Variants in NEK11 observed in about 807,000 individuals in gnomAD.
The protein encoded by NEK11 is NIMA related kinase 11.
NEK11 carries 72 observed loss-of-function variants against 80.7 expected under a neutral mutation model. The ratio of observed to expected loss-of-function variants is 0.89; its 90% CI spans 0.74 to 1.08. The LOEUF (loss-of-function observed/expected upper bound fraction) is 1.08, where lower values mean the gene tolerates loss of function less well. Among genes scored for constraint, NEK11 ranks in the 50% least tolerant of loss-of-function variants. The pLI is 0.00. For synonymous variants in NEK11, 251 were observed against 260.7 expected, an observed-to-expected ratio of 0.96 and a Z score of 0.36; for missense variants, 764 against 763.6, an observed-to-expected ratio of 1.00 and a Z score of -0.01.
At chr3:131,090,667 TA>T (rs2076593994) in intron 4 of NEK11, among the ~76,000 whole-genome samples, 2 of 152,228 alleles carry the variant, frequency 1.3e-5, no homozygotes, top group Non-Finnish European at 2.9e-5. Flanking sequence ...CTAAAAACTG[TA>T]TTTCTTTGTT....
At chr3:131,287,713 T>A (rs2096490406) in intron 17 of NEK11, among the ~76,000 whole-genome samples, 1 of 152,148 alleles carries the variant, frequency 6.6e-6, no homozygotes, top group Admixed American at 6.5e-5. Flanking sequence ...TTGCCACAAG[T>A]CCTTCAACCC....
intron 5 of NEK11, among the ~76,000 whole-genome samples, chr3:131,118,826 T>G (rs1414644348): frequency 6.6e-6 from 1 of 152,198 alleles, no homozygotes; most frequent in East Asian, 1.9e-4. Context: ...ATATCCCCTT[T>G]ATCATTTTTT....
At chr3:131,332,319 T>C (rs983368854) in intron 17 of NEK11, among the ~76,000 whole-genome samples, 15 of 152,234 alleles carry the variant, frequency 9.9e-5, no homozygotes, top group South Asian at 2.1e-4. Context: ...GAAAATCCGC[T>C]GTTCTGCAGC....
rs917992692 is a variant in NEK11 at position 131,087,296 on chromosome 3, A to G, written c.336+6708A>G. 4.2e-5 allele frequency among the ~76,000 whole-genome samples: 6 copies of G among 142,672 alleles called. 1 individual carries two copies. The South Asian group carries it at 1.1e-3, about 26-fold the overall frequency. 93.6% of individuals were successfully genotyped at this position (142,672 alleles called of 152,430 possible). On this transcript the variant is annotated intron_variant, in intron 4 of 17. Transcript: ENST00000383366. ...CACCTCATTGCCAGGCTGGAGTGCA[A>G]TGAATGGCACAATCTCAGCTCACTG...
chr3:131,099,777 A>G (rs2149253902), intron 4 of NEK11, among the ~76,000 whole-genome samples: 1 of 152,272 alleles, frequency 6.6e-6, no homozygotes, highest in African/African-American at 2.4e-5. Context: ...CCTGGACATT[A>G]TTGGCTTATA....
intron 17 of NEK11, chr3:131,328,295 T>TATAAATAAATAAATAAATAA (rs10525767): frequency 3.1e-4 from 47 of 151,322 alleles, no homozygotes; most frequent in African/African-American, 1.1e-3. Context: ...CTAAAAATAA[T>TATAAATAAATAAATAAATAA]ATAAATAAAT....
chr3:131,213,853 C>T (rs138203416), intron 14 of NEK11, among the ~76,000 whole-genome samples: 1 of 152,146 alleles, frequency 6.6e-6, no homozygotes, highest in Non-Finnish European at 1.5e-5. Flanking sequence ...CATATTGAAA[C>T]CCTAATCCCC....
intron 14 of NEK11, among the ~76,000 whole-genome samples, chr3:131,199,483 A>G (rs1303069543): frequency 1.3e-5 from 2 of 152,176 alleles, no homozygotes; most frequent in Non-Finnish European, 2.9e-5. Context: ...AAAATGCATA[A>G]TAGTTTTGAA....
intron 16 of NEK11, among the ~76,000 whole-genome samples, chr3:131,249,167 G>A (rs1477237261): frequency 6.6e-6 from 1 of 152,088 alleles, no homozygotes; most frequent in East Asian, 1.9e-4. Flanking sequence ...GCAGATGAGA[G>A]CTTTAGTGAA....
intron 3 of NEK11, among the ~76,000 whole-genome samples, chr3:131,041,283 TTTAACA>T (rs1443426758): frequency 6.6e-6 from 1 of 152,214 alleles, no homozygotes; most frequent in Non-Finnish European, 1.5e-5. Flanking sequence ...TGCAAGGCAG[TTTAACA>T]TTACTTAAAA....
chr3:131,153,575 G>A lies in NEK11; in HGVS notation c.876+866G>A, dbSNP rs565878727. ...GCAAGTTTCCTCTGTAATTTTATGC[G>A]TAACTTTAAGAGGAACCACAAAATG... is the stretch of plus-strand genomic sequence containing the variant. On this transcript the variant is annotated intron_variant, in intron 9 of 17. Transcript: ENST00000383366. Among the ~76,000 whole-genome samples the A allele has an allele frequency of 6.6e-5, 10 of 152,050 alleles. No individual in the cohort carries two copies. In the South Asian group the frequency reaches 1.0e-3, roughly 16 times the overall value.
At chr3:131,270,432 A>G (rs2096159839) in intron 16 of NEK11, among the ~76,000 whole-genome samples, 1 of 152,192 alleles carries the variant, frequency 6.6e-6, no homozygotes. Flanking sequence ...AGATCCCTGG[A>G]TGATTTGTAT....
At chr3:131,309,073 G>T (rs1019756561) in intron 17 of NEK11, among the ~76,000 whole-genome samples, 9 of 152,150 alleles carry the variant, frequency 5.9e-5, no homozygotes, top group African/African-American at 9.7e-5. Context: ...GTGTGGCCCG[G>T]TTCCTAACAG....
chr3:131,287,621 C>A (rs115419196), intron 17 of NEK11, among the ~76,000 whole-genome samples: 1 of 152,000 alleles, frequency 6.6e-6, no homozygotes, highest in Non-Finnish European at 1.5e-5. Context: ...TTTAAGGCCC[C>A]GGGGATATCT....
At chr3:131,345,688 C>A (rs1329031294) in intron 17 of NEK11, among the ~76,000 whole-genome samples, 1 of 152,088 alleles carries the variant, frequency 6.6e-6, no homozygotes, top group Non-Finnish European at 1.5e-5. Context: ...TGGGTATATA[C>A]CCAAAGGAGA....
At chr3:131,034,870 T>C (rs1331876815) in intron 3 of NEK11, among the ~76,000 whole-genome samples, 4 of 152,246 alleles carry the variant, frequency 2.6e-5, no homozygotes, top group Admixed American at 6.5e-5. Context: ...CTCGGAGATG[T>C]TGGAGTGGCT....
intron 5 of NEK11, among the ~76,000 whole-genome samples, chr3:131,122,303 G>A (rs6801819): frequency 2.6e-4 from 39 of 152,318 alleles, no homozygotes; most frequent in African/African-American, 9.4e-4. Context: ...GGAGATTCCT[G>A]CTTTCTCCTG....
At chr3:131,313,246 C>T (rs1405811221) in intron 17 of NEK11, among the ~76,000 whole-genome samples, 1 of 152,090 alleles carries the variant, frequency 6.6e-6, no homozygotes, top group African/African-American at 2.4e-5. Flanking sequence ...AGGTTGATTC[C>T]ATGTCTGCTA....
intron 3 of NEK11, among the ~76,000 whole-genome samples, chr3:131,063,023 T>C (rs909764663): frequency 6.6e-6 from 1 of 152,244 alleles, no homozygotes; most frequent in East Asian, 1.9e-4. Flanking sequence ...TTTAAAAAAT[T>C]ATTATTTTTG....
Sources: allele counts gnomAD v4.1 joint callset (sites outside exome capture counted in the v4.1 genomes callset), GRCh38; gene constraint gnomAD v4.1.1; transcripts MANE v1.5; gene names NCBI Gene and HGNC (gene_info 2026-07-23, HGNC 2026-07-21).